NCOA3: variants seen among roughly 807,000 people sequenced by gnomAD.
NCOA3 encodes nuclear receptor coactivator 3, also known as CBP-interacting protein.
NCOA3 carries 51 observed loss-of-function variants against 158.8 expected under a neutral mutation model. The observed-to-expected ratio is 0.32, with a 90% CI of 0.26 to 0.41. The LOEUF (loss-of-function observed/expected upper bound fraction) is 0.41. NCOA3 is among the 10% of genes least tolerant of loss of function. The pLI, the probability that NCOA3 is intolerant of heterozygous loss-of-function variation, is 1.00. For missense variants in NCOA3, 1,510 were observed against 1,746.6 expected, an observed-to-expected ratio of 0.86 and a Z score of 2.41; for synonymous variants, 537 against 592.4, an observed-to-expected ratio of 0.91 and a Z score of 1.36.
Position 47,640,059 on chromosome 20 carries a change from G to T in NCOA3, c.3080+8G>T. The T allele has an allele frequency of 6.2e-7, 1 of 1,614,114 alleles. No individual in the cohort carries two copies. The highest frequency in any genetic ancestry group is 8.5e-7 in the Non-Finnish European group (1 of 1,179,992). On this transcript the variant is annotated splice_region_variant and intron_variant, in intron 16 of 22. Transcript: ENST00000371998. ...TCATGGCACTCAAAATAGGTGGGGT[G>T]TTATTTTGTGACTCTGTAGAAAATC...
chr20:47,556,309 G>A (rs1320542558), intron 1 of NCOA3, among the ~76,000 whole-genome samples: 1 of 152,178 alleles, frequency 6.6e-6, no homozygotes, highest in Non-Finnish European at 1.5e-5. Flanking sequence ...GAGTTTTTAT[G>A]ATGGAACTGT....
intron 5 of NCOA3, among the ~76,000 whole-genome samples, chr20:47,626,377 C>A (rs2086321340): frequency 6.6e-6 from 1 of 152,136 alleles, no homozygotes; most frequent in Admixed American, 6.6e-5. Flanking sequence ...GCTAAGGATG[C>A]TTTTCTCATT....
At chr20:47,634,271 G>C (rs1470949387) in intron 10 of NCOA3, 76 bp downstream of exon 10, 1 of 1,442,634 alleles carries the variant, frequency 6.9e-7, no homozygotes, top group East Asian at 2.3e-5. Flanking sequence ...AAAGTAAAAA[G>C]GGAAGGGATA....
chr20:47,530,461 C>CTTT lies in NCOA3; in HGVS notation c.-99+28459_-99+28461dup, dbSNP rs11483053. On this transcript the variant is annotated intron_variant, in intron 1 of 22. Coordinates refer to ENST00000371998, the MANE Select transcript of NCOA3 (RefSeq NM_181659.3). Reference sequence around the variant, plus strand: ...ATTCAATAAATTTTTAATGATTTAACTTTTTTTTTTTTTTTTTTTGAGACA... The same window carrying CTTT: ...ATTCAATAAATTTTTAATGATTTAACTTTTTTTTTTTTTTTTTTTTTTGAGACA... Among the ~76,000 whole-genome samples the CTTT allele has an allele frequency of 3.6e-4, 46 of 129,396 alleles. 1 individual carries two copies. The highest frequency in any genetic ancestry group is 4.7e-4 in the Non-Finnish European group (29 of 61,630). 84.9% of individuals were successfully genotyped at this position (129,396 alleles called of 152,430 possible). A position where few individuals can be genotyped will look rare whatever the true frequency, so the allele number is the denominator to read the frequency against.
chr20:47,590,981 T>G (rs1255507581), intron 2 of NCOA3, among the ~76,000 whole-genome samples: 1 of 151,852 alleles, frequency 6.6e-6, no homozygotes, highest in Non-Finnish European at 1.5e-5. Flanking sequence ...TGGTGATGGG[T>G]GCCTGTAATC....
chr20:47,612,541 A>C (rs1258170109), intron 2 of NCOA3, among the ~76,000 whole-genome samples: 2 of 152,230 alleles, frequency 1.3e-5, no homozygotes. Flanking sequence ...AAGGTTAAAA[A>C]TAAAGGAAAT....
At chr20:47,597,042 C>CA (rs1387310412) in intron 2 of NCOA3, among the ~76,000 whole-genome samples, 22 of 152,170 alleles carry the variant, frequency 1.4e-4, no homozygotes, top group South Asian at 6.2e-4. Flanking sequence ...TTTATTAAAG[C>CA]ATAATATACA....
At chr20:47,588,183 G>A (rs1046409305) in intron 2 of NCOA3, among the ~76,000 whole-genome samples, 1 of 122,986 alleles carries the variant, frequency 8.1e-6, no homozygotes, top group Admixed American at 9.9e-5. Flanking sequence ...TGCTCAGGCT[G>A]GAGTGCAGTG....
chr20:47,645,210 G>T (rs974082914), intron 17 of NCOA3, among the ~76,000 whole-genome samples: 3 of 151,830 alleles, frequency 2.0e-5, no homozygotes, highest in African/African-American at 7.3e-5. Flanking sequence ...CCTTTCTTAG[G>T]CTCTGCTTGG....
chr20:47,633,329 A>G (rs566621890), intron 8 of NCOA3, among the ~76,000 whole-genome samples, 167 bp from the exon 9 acceptor site: 6 of 152,220 alleles, frequency 3.9e-5, no homozygotes, highest in Admixed American at 3.9e-4. Flanking sequence ...CTGTGGTGCT[A>G]TGTCTTAAGG....
At chr20:47,600,143 TG>T in intron 2 of NCOA3, among the ~76,000 whole-genome samples, 1 of 150,592 alleles carries the variant, frequency 6.6e-6, no homozygotes, top group Non-Finnish European at 1.5e-5. Flanking sequence ...TGTGTGTGTG[TG>T]TATTTTATAT....
chr20:47,507,535 TA>T (rs1278045010), intron 1 of NCOA3, among the ~76,000 whole-genome samples: 2 of 152,180 alleles, frequency 1.3e-5, no homozygotes, highest in Non-Finnish European at 2.9e-5. Flanking sequence ...CTGGTGCTGT[TA>T]ATTTTTTCTG....
rs746518804 is a variant in NCOA3, at chr20:47,647,303, AC to A, written c.3487del (p.Arg1163GlyfsTer22). On this transcript the variant is annotated frameshift_variant, in exon 18 of 23. Transcript: ENST00000371998. LOFTEE classifies it high-confidence loss of function. ...GMHPRANIMR[P>X]RTNTPKQLRM... ...TGCACCCACGAGCCAACATCATGAG[AC>A]CCCGGACAAACACCCCCAAGCAACT... is the stretch of plus-strand genomic sequence containing the variant. The A allele has an allele frequency of 6.2e-7, 1 of 1,614,062 alleles. No individual in the cohort carries two copies. Among genetic ancestry groups the A allele is most frequent in the South Asian group, 1.1e-5 (1 of 91,072 alleles).
At chr20:47,620,111 A>G (rs1684467650) in intron 2 of NCOA3, among the ~76,000 whole-genome samples, 1 of 151,250 alleles carries the variant, frequency 6.6e-6, no homozygotes, top group Non-Finnish European at 1.5e-5. Flanking sequence ...TATTCAATTT[A>G]TTATTATTAT....
At chr20:47,617,996 G>A (rs1255635452) in intron 2 of NCOA3, among the ~76,000 whole-genome samples, 2 of 152,162 alleles carry the variant, frequency 1.3e-5, no homozygotes, top group Non-Finnish European at 2.9e-5. Flanking sequence ...CAGCGCTTTG[G>A]GAGGCTGACG....
chr20:47,621,226 AT>A lies in NCOA3; in HGVS notation c.-19-997del, dbSNP rs202239666. Among the ~76,000 whole-genome samples, 9 of 151,666 alleles carry A rather than the reference AT, an allele frequency of 5.9e-5. No homozygotes were observed. The East Asian group carries it at 1.7e-3, about 29-fold the overall frequency. ...TTCTGATTTATATTATGATCATGTGATTTTTTAAATTTTTATTTTTTTTGTT... is the reference window on the plus strand; with the variant it reads ...TTCTGATTTATATTATGATCATGTGATTTTTAAATTTTTATTTTTTTTGTT... On this transcript the variant is annotated intron_variant, in intron 2 of 22. Coordinates refer to ENST00000371998, the MANE Select transcript of NCOA3 (RefSeq NM_181659.3).
chr20:47,641,204 G>A (rs1285256300), intron 16 of NCOA3, among the ~76,000 whole-genome samples: 1 of 152,152 alleles, frequency 6.6e-6, no homozygotes, highest in Non-Finnish European at 1.5e-5. Context: ...GAGAACTGAG[G>A]CAACTTGCTG....
At chr20:47,521,811 G>T (rs1025926935) in intron 1 of NCOA3, among the ~76,000 whole-genome samples, 5 of 152,184 alleles carry the variant, frequency 3.3e-5, no homozygotes, top group Admixed American at 1.3e-4. Flanking sequence ...GATTATGGAG[G>T]TCTTGAAATC....
At position 47,555,707 on chromosome 20, in the gene NCOA3, C is replaced by G. The variant is rs1211412546; in HGVS notation, c.-98-27476C>G. ...AGGCTGGAGTGCAGTTGCACTATCT[C>G]GGTTCACTGCAAGCTCCGCCTCCCA... On this transcript the variant is annotated intron_variant, in intron 1 of 22. Coordinates refer to ENST00000371998, the MANE Select transcript of NCOA3 (RefSeq NM_181659.3). Among the ~76,000 whole-genome samples the G allele has an allele frequency of 2.9e-5, 4 of 136,962 alleles. No individual in the cohort carries two copies. In the East Asian group the frequency reaches 8.9e-4, roughly 31 times the overall value. 89.9% of individuals were successfully genotyped at this position (136,962 alleles called of 152,430 possible).
Sources: gnomAD v4.1 joint callset for allele counts (sites outside exome capture counted in the v4.1 genomes callset) on GRCh38, gnomAD v4.1.1 for gene constraint, MANE v1.5 for transcripts, NCBI Gene and HGNC (gene_info 2026-07-23, HGNC 2026-07-21) for gene names.